MSH3: variants seen among roughly 807,000 people sequenced by gnomAD.
MSH3 encodes the protein DNA mismatch repair protein Msh3.
A neutral mutation model predicts 123.3 loss-of-function variants in MSH3; 106 were observed. The observed-to-expected ratio is 0.86, with a 90% CI of 0.73 to 1.01. The LOEUF (loss-of-function observed/expected upper bound fraction) is 1.01, where lower values mean the gene tolerates loss of function less well. Among genes scored for constraint, MSH3 ranks in the 50% least tolerant of loss-of-function variants. The pLI is 0.00. For synonymous variants in MSH3, 515 were observed against 481.4 expected (o/e 1.07, Z -0.91); for missense variants, 1,459 against 1,347.6 (o/e 1.08, Z -1.29).
In MSH3 at chr5:80,725,512, A is replaced by G. The variant is rs1316678832; in HGVS notation, c.1400A>G (p.His467Arg). The change falls in exon 9 of 24, where the codon CAT becomes CGT. Residue 467 changes from histidine to arginine, a missense_variant. By Grantham distance (29) the His-to-Arg change is conservative. Transcript: ENST00000265081. ...GATAACATTTATTTTGAATACAGCC[A>G]TGCTTTCCAGGCAGTTACAGAGTTT... ...RMDNIYFEYSHAFQAVTEFYA... is the reference protein window; with the variant it reads ...RMDNIYFEYSRAFQAVTEFYA... 1.9e-6 allele frequency: 3 copies of G among 1,614,080 alleles called. No homozygotes were observed. Among genetic ancestry groups the G allele is most frequent in the Non-Finnish European group, 2.5e-6 (3 of 1,179,956 alleles).
chr5:80,809,228 G>A (rs1163855115), intron 19 of MSH3, among the ~76,000 whole-genome samples: 1 of 152,036 alleles, frequency 6.6e-6, no homozygotes, highest in East Asian at 1.9e-4. Context: ...AAATTTTACA[G>A]ATGAGAAAAT....
intron 8 of MSH3, among the ~76,000 whole-genome samples, chr5:80,689,448 A>C (rs904868516): frequency 2.0e-5 from 3 of 152,168 alleles, no homozygotes; most frequent in Non-Finnish European, 4.4e-5. Context: ...GGAAAAAATA[A>C]TTCTTGCTAA....
At chr5:80,728,100 C>T (rs1398539496) in intron 9 of MSH3, among the ~76,000 whole-genome samples, 1 of 152,130 alleles carries the variant, frequency 6.6e-6, no homozygotes, top group African/African-American at 2.4e-5. Context: ...AGATGGCAGG[C>T]AGTATAGGGT....
At chr5:80,665,622 A>G (rs778153497) in intron 3 of MSH3, among the ~76,000 whole-genome samples, 1 of 152,224 alleles carries the variant, frequency 6.6e-6, no homozygotes, top group Non-Finnish European at 1.5e-5. Context: ...TGCCTGGATC[A>G]GGAGCCCTTG....
In MSH3 at chr5:80,690,562, T is replaced by C. The variant is rs895435422; in HGVS notation, c.1340+11469T>C. On this transcript the variant is annotated intron_variant, in intron 8 of 23. Transcript: ENST00000265081. ...CGAACTCCTGACCTCAAATGATCCG[T>C]CCGCCTTGGCCTCCAAATTGCTGGG... is the stretch of plus-strand genomic sequence containing the variant. 2.6e-5 allele frequency among the ~76,000 whole-genome samples: 4 copies of C among 152,114 alleles called. No individual in the cohort carries two copies. The South Asian group carries it at 6.2e-4, about 24-fold the overall frequency.
At chr5:80,666,759 C>T (rs1650665) in intron 3 of MSH3, among the ~76,000 whole-genome samples, 42,211 of 152,058 alleles carry the variant, frequency 0.28, 6,098 homozygotes, top group Middle Eastern at 0.35. Flanking sequence ...CATGGATAGA[C>T]GTGGATGAAT....
At chr5:80,848,635 T>C (rs1338068902) in intron 20 of MSH3, among the ~76,000 whole-genome samples, 2 of 152,120 alleles carry the variant, frequency 1.3e-5, no homozygotes, top group Non-Finnish European at 2.9e-5. Flanking sequence ...TGCAGGGAAA[T>C]GCGCGTTTTT....
intron 6 of MSH3, among the ~76,000 whole-genome samples, chr5:80,674,470 C>T (rs1749791909): frequency 6.6e-6 from 1 of 152,064 alleles, no homozygotes; most frequent in Non-Finnish European, 1.5e-5. Context: ...TGGAATTAAA[C>T]ATTATGGGAT....
chr5:80,734,467 G>C (rs925147090), intron 10 of MSH3, among the ~76,000 whole-genome samples: 2 of 152,190 alleles, frequency 1.3e-5, no homozygotes, highest in Non-Finnish European at 2.9e-5. Flanking sequence ...TATCAATAAA[G>C]TTGATAGACA....
intron 1 of MSH3, 61 bp from the exon 2 acceptor site, chr5:80,656,350 A>G: frequency 6.2e-7 from 1 of 1,606,886 alleles, no homozygotes; most frequent in Non-Finnish European, 8.5e-7. Flanking sequence ...AAATTGCTTC[A>G]CATACGTCAG....
At chr5:80,812,315 T>C (rs2112052233) in intron 19 of MSH3, among the ~76,000 whole-genome samples, 1 of 152,336 alleles carries the variant, frequency 6.6e-6, no homozygotes, top group East Asian at 1.9e-4. Flanking sequence ...TCACTTCCTT[T>C]TGGCTTTTGT....
chr5:80,779,884 G>A (rs964251737), intron 17 of MSH3, among the ~76,000 whole-genome samples: 39 of 152,098 alleles, frequency 2.6e-4, no homozygotes, highest in African/African-American at 9.4e-4. Context: ...ATTAATTTAT[G>A]AATATATTTG....
chr5:80,851,648 G>GTTT (rs1745832642), intron 20 of MSH3, among the ~76,000 whole-genome samples: 2 of 152,052 alleles, frequency 1.3e-5, no homozygotes, highest in African/African-American at 4.8e-5. Flanking sequence ...TGACATATAT[G>GTTT]TAAAGCCACC....
At chr5:80,758,577 T>A (rs561264810) in intron 12 of MSH3, among the ~76,000 whole-genome samples, 8 of 152,328 alleles carry the variant, frequency 5.3e-5, no homozygotes, top group Non-Finnish European at 1.0e-4. Flanking sequence ...TAAAGAAGGT[T>A]GGGTTAAAAC....
intron 3 of MSH3, among the ~76,000 whole-genome samples, chr5:80,666,078 T>C (rs1196693868): frequency 1.3e-5 from 2 of 152,198 alleles, no homozygotes; most frequent in African/African-American, 4.8e-5. Context: ...TTTATTTTTA[T>C]TGATGGAGTC....
At chr5:80,677,448 T>C (rs1006060125) in intron 7 of MSH3, among the ~76,000 whole-genome samples, 2 of 152,234 alleles carry the variant, frequency 1.3e-5, no homozygotes, top group Non-Finnish European at 2.9e-5. Flanking sequence ...TACTTTAACA[T>C]CTGTACCTGG....
chr5:80,735,777 C>T (rs989338109), intron 10 of MSH3, among the ~76,000 whole-genome samples: 1 of 152,120 alleles, frequency 6.6e-6, no homozygotes, highest in Non-Finnish European at 1.5e-5. Flanking sequence ...TCTAAAACTT[C>T]AGGAAAATTA....
chr5:80,794,189 T>C (rs1161977047), intron 19 of MSH3, among the ~76,000 whole-genome samples: 1 of 152,238 alleles, frequency 6.6e-6, no homozygotes, highest in Non-Finnish European at 1.5e-5. Flanking sequence ...ATTGCAAGCT[T>C]TCTAAGGTAA....
intron 20 of MSH3, among the ~76,000 whole-genome samples, chr5:80,814,189 G>A (rs1448936344): frequency 6.6e-6 from 1 of 151,454 alleles, no homozygotes; most frequent in East Asian, 1.9e-4. Context: ...TATTATGACT[G>A]TTAATACTAG....
Sources: allele counts gnomAD v4.1 joint callset (sites outside exome capture counted in the v4.1 genomes callset), GRCh38; gene constraint gnomAD v4.1.1; transcripts MANE v1.5; gene names NCBI Gene and HGNC (gene_info 2026-07-23, HGNC 2026-07-21).